Variants in SFTPD observed in about 807,000 individuals in gnomAD.
SFTPD encodes pulmonary surfactant-associated protein D.
SFTPD carries 18 observed loss-of-function variants against 34.6 expected under a neutral mutation model. The observed-to-expected ratio is 0.52, with a 90% confidence interval of 0.36 to 0.77. The LOEUF (loss-of-function observed/expected upper bound fraction) is 0.77, where lower values mean the gene tolerates loss of function less well. Ranked by LOEUF, SFTPD falls within the 30% of genes least tolerant of loss-of-function variation. SFTPD has a pLI of 0.00. For missense variants in SFTPD, 433 were observed against 468.9 expected (o/e 0.92, Z 0.71); for synonymous variants, 155 against 180.9 (o/e 0.86, Z 1.15).
intron 7 of SFTPD, among the ~76,000 whole-genome samples, chr10:79,938,713 T>A (rs1009787177): frequency 6.6e-6 from 1 of 151,970 alleles, no homozygotes; most frequent in Non-Finnish European, 1.5e-5. Flanking sequence ...CAGTAGGGGA[T>A]GTGGGGTTGT....
rs576497041 is a variant in SFTPD at position 79,982,356 on chromosome 10, C to T, written c.36+219G>A. 1.2e-3 allele frequency: 1,240 copies of T among 1,009,222 alleles called. 4 individuals carry two copies. Among genetic ancestry groups the T allele is most frequent in the Non-Finnish European group, 1.5e-3 (1,128 of 761,324 alleles). 62.5% of individuals were successfully genotyped at this position (1,009,222 alleles called of 1,614,324 possible). On this transcript the variant is annotated intron_variant, in intron 1 of 5. Transcript: ENST00000444384. ...GGCGGCGCTGCTGCGAAGGCCCTGGCAGCCCCGCGCAGCCGCTCCCGCGGC... is the reference window on the plus strand; with the variant it reads ...GGCGGCGCTGCTGCGAAGGCCCTGGTAGCCCCGCGCAGCCGCTCCCGCGGC...
intron 1 of SFTPD, among the ~76,000 whole-genome samples, chr10:79,978,229 C>T (rs1842872967): frequency 6.6e-6 from 1 of 152,162 alleles, no homozygotes; most frequent in Admixed American, 6.5e-5. Flanking sequence ...ACATGCAAAT[C>T]AACAAATGTA....
chr10:79,956,721 G>C (rs1175880293), intron 1 of SFTPD, among the ~76,000 whole-genome samples: 2 of 151,662 alleles, frequency 1.3e-5, no homozygotes, highest in East Asian at 1.9e-4. Context: ...TCCACCTCTG[G>C]GGGCAGGGCA....
At chr10:79,971,067 T>C (rs1392818327) in intron 1 of SFTPD, 1 of 152,210 alleles carries the variant, frequency 6.6e-6, no homozygotes, top group African/African-American at 2.4e-5. Flanking sequence ...TGAAGATTTT[T>C]ATCATGAAAG....
chr10:79,953,733 A>G (rs1382090392), upstream of SFTPD, among the ~76,000 whole-genome samples: 1 of 152,128 alleles, frequency 6.6e-6, no homozygotes, highest in African/African-American at 2.4e-5. Context: ...TTTTTAAATT[A>G]CTTTAAATTC....
At chr10:79,939,016 GC>G (rs1286838334) in intron 7 of SFTPD, among the ~76,000 whole-genome samples, 1 of 152,204 alleles carries the variant, frequency 6.6e-6, no homozygotes, top group East Asian at 1.9e-4. Flanking sequence ...CATTGCGTGG[GC>G]AAGGGAAAGT....
At chr10:79,962,315 C>T (rs1589340826) in intron 1 of SFTPD, among the ~76,000 whole-genome samples, 1 of 151,356 alleles carries the variant, frequency 6.6e-6, no homozygotes, top group Non-Finnish European at 1.5e-5. Context: ...AAAAAATCAC[C>T]AAAACTCCAC....
intron 1 of SFTPD, chr10:79,970,665 G>A (rs565527497): frequency 2.0e-5 from 3 of 151,982 alleles, no homozygotes; most frequent in South Asian, 4.2e-4. Context: ...TCTTTTTCAA[G>A]TAGTTCATTG....
chr10:79,978,886 TGAAA>T (rs376913506), intron 1 of SFTPD, among the ~76,000 whole-genome samples: 5,892 of 151,154 alleles, frequency 0.039, 206 homozygotes, highest in African/African-American at 0.087. Flanking sequence ...GGCACCCAAA[TGAAA>T]GAAAGAAAGA....
Position 79,937,909 on chromosome 10 carries a change from A to G in SFTPD, c.1071T>C (p.Asn357=), listed in dbSNP as rs774700110. 1.1e-5 allele frequency: 17 copies of G among 1,588,980 alleles called. No homozygotes were observed. The highest frequency in any genetic ancestry group is 1.4e-5 in the Non-Finnish European group (16 of 1,164,166). ...GSEDCVEIFT[N]GKWNDRACGE... Reference sequence around the variant, plus strand: ...CACAAGCCCTGTCATTCCACTTGCCATTGGTGAAGATCTCCACACAGTCCT... The same window carrying G: ...CACAAGCCCTGTCATTCCACTTGCCGTTGGTGAAGATCTCCACACAGTCCT... The change falls in exon 8 of 8, where the codon AAT becomes AAC. Residue 357 remains asparagine (N), a synonymous_variant. Coordinates refer to ENST00000372292, the MANE Select transcript of SFTPD (RefSeq NM_003019.5).
At chr10:79,941,882 G>A (rs766945188) in intron 5 of SFTPD, 72 bp downstream of exon 5, 155 of 945,142 alleles carry the variant, frequency 1.6e-4, no homozygotes, top group Non-Finnish European at 2.4e-4. Flanking sequence ...TGGAGGGGGT[G>A]TAGGCATTGA....
intron 1 of SFTPD, among the ~76,000 whole-genome samples, chr10:79,961,715 C>T (rs1842773738): frequency 6.6e-6 from 1 of 152,142 alleles, no homozygotes; most frequent in South Asian, 2.1e-4. Flanking sequence ...ACTTGTTCAA[C>T]CATTGTGGAA....
At chr10:79,956,925 C>T (rs759631697) in intron 1 of SFTPD, among the ~76,000 whole-genome samples, 1 of 152,150 alleles carries the variant, frequency 6.6e-6, no homozygotes, top group Non-Finnish European at 1.5e-5. Context: ...TGACACCTCA[C>T]ACGGCCGGGT....
intron 2 of SFTPD, among the ~76,000 whole-genome samples, chr10:79,944,322 A>G (rs551320397): frequency 6.6e-6 from 1 of 152,340 alleles, no homozygotes; most frequent in African/African-American, 2.4e-5. Flanking sequence ...TGTACAACAT[A>G]TGATATGTTA....
At chr10:79,971,032 TA>T (rs750101500) in intron 1 of SFTPD, 2 of 152,208 alleles carry the variant, frequency 1.3e-5, no homozygotes, top group Non-Finnish European at 2.9e-5. Context: ...TGCATTCATG[TA>T]TGCTTCTTTC....
intron 1 of SFTPD, among the ~76,000 whole-genome samples, chr10:79,975,859 C>A (rs2132526153): frequency 6.6e-6 from 1 of 152,348 alleles, no homozygotes; most frequent in East Asian, 1.9e-4. Context: ...GGAACATGCC[C>A]TTAAAGCACA....
At chr10:79,959,977 A>T (rs1367723415) in intron 1 of SFTPD, among the ~76,000 whole-genome samples, 1 of 152,178 alleles carries the variant, frequency 6.6e-6, no homozygotes, top group African/African-American at 2.4e-5. Flanking sequence ...CCTGGGATGC[A>T]AGGCTGGTTC....
At chr10:79,939,073 G>T (rs1192284016) in intron 7 of SFTPD, among the ~76,000 whole-genome samples, 2 of 151,812 alleles carry the variant, frequency 1.3e-5, no homozygotes, top group Non-Finnish European at 2.9e-5. Context: ...TAAAATGAGG[G>T]CTCACTTCAC....
intron 1 of SFTPD, among the ~76,000 whole-genome samples, chr10:79,959,146 T>A (rs1307925415): frequency 6.1e-5 from 9 of 148,742 alleles, no homozygotes; most frequent in Middle Eastern, 3.4e-3. Context: ...TTCAAAGCAG[T>A]GTGTAGAGGG....
Sources: allele counts gnomAD v4.1 joint callset (sites outside exome capture counted in the v4.1 genomes callset), GRCh38; gene constraint gnomAD v4.1.1; transcripts MANE v1.5; gene names NCBI Gene and HGNC (gene_info 2026-07-23, HGNC 2026-07-21).